IL1RAPL2: variants seen among roughly 807,000 people sequenced by gnomAD.
The protein encoded by IL1RAPL2 is interleukin 1 receptor accessory protein like 2, also known as X-linked interleukin-1 receptor accessory protein-like 2.
A neutral mutation model predicts 44.1 loss-of-function variants in IL1RAPL2; 3 were observed. That is an observed-to-expected ratio of 0.07 (90% CI 0.03 to 0.18). The LOEUF (loss-of-function observed/expected upper bound fraction) is 0.18. Among genes scored for constraint, IL1RAPL2 ranks in the 10% least tolerant of loss-of-function variants. The pLI is 1.00. For synonymous variants in IL1RAPL2, 181 were observed against 178.8 expected (o/e 1.01, Z -0.10); for missense variants, 391 against 496.4 (o/e 0.79, Z 2.02).
chrX:105,570,062 C>A (rs1569454955), intron 6 of IL1RAPL2, among the ~76,000 whole-genome samples: 4 of 110,856 alleles, frequency 3.6e-5, no homozygotes. Flanking sequence ...TTTTGGTGTA[C>A]CCTTCACCTG....
At chrX:105,534,018 T>C (rs533137857) in intron 6 of IL1RAPL2, among the ~76,000 whole-genome samples, 1 of 112,492 alleles carries the variant, frequency 8.9e-6, no homozygotes, top group South Asian at 3.6e-4. Context: ...GTAAAAATTA[T>C]TCAGTGATCA....
chrX:104,949,107 G>T (rs1004120614), intron 2 of IL1RAPL2, among the ~76,000 whole-genome samples: 17 of 110,966 alleles, frequency 1.5e-4, no homozygotes, highest in African/African-American at 5.6e-4. Context: ...CCTGTTATTG[G>T]TCTATTCAGA....
At chrX:105,104,045 C>A (rs1320436719) in intron 2 of IL1RAPL2, among the ~76,000 whole-genome samples, 2 of 111,587 alleles carry the variant, frequency 1.8e-5, no homozygotes, top group Non-Finnish European at 3.8e-5. Flanking sequence ...ATAATGAGAA[C>A]CTGGCAAACA....
chrX:105,571,968 C>G (rs559901113), intron 6 of IL1RAPL2, among the ~76,000 whole-genome samples: 1 of 111,170 alleles, frequency 9.0e-6, no homozygotes, highest in Non-Finnish European at 1.9e-5. Flanking sequence ...AAAAAAAAAG[C>G]CTTCCTTAAT....
At chrX:105,150,410 A>C (rs2033217053) in intron 2 of IL1RAPL2, among the ~76,000 whole-genome samples, 1 of 112,006 alleles carries the variant, frequency 8.9e-6, no homozygotes, top group Non-Finnish European at 1.9e-5. Context: ...ATTTCACTGG[A>C]GCTAGAAATG....
intron 5 of IL1RAPL2, among the ~76,000 whole-genome samples, chrX:105,390,087 T>C (rs57068877): frequency 0.19 from 21,657 of 111,563 alleles, 5,065 homozygotes; most frequent in African/African-American, 0.67. Flanking sequence ...ACAAGGTTTT[T>C]CATTATGTTT....
rs773027005 is a variant in IL1RAPL2, at chrX:105,075,437, G to A, written c.83-120038G>A. ...AGCTTTTTGATGTGCTGCTGGATTC[G>A]GTTTGCCAGTATTTTATTGAGGATT... is the stretch of plus-strand genomic sequence containing the variant. On this transcript the variant is annotated intron_variant, in intron 2 of 10. Transcript: ENST00000372582. 1.9e-4 allele frequency among the ~76,000 whole-genome samples: 21 copies of A among 111,110 alleles called. No individual in the cohort carries two copies. The South Asian group carries it at 5.0e-3, about 26-fold the overall frequency.
intron 1 of IL1RAPL2, among the ~76,000 whole-genome samples, chrX:104,598,354 G>T (rs1402847286): frequency 8.9e-6 from 1 of 111,866 alleles, no homozygotes; most frequent in Non-Finnish European, 1.9e-5. Context: ...CAGCTCCATG[G>T]CATGAAAACT....
At chrX:105,382,563 G>T (rs1412857323) in intron 5 of IL1RAPL2, among the ~76,000 whole-genome samples, 1 of 102,742 alleles carries the variant, frequency 9.7e-6, no homozygotes, top group Non-Finnish European at 1.9e-5. Flanking sequence ...TCAGTGTGGC[G>T]ATTCCTCAGG....
At chrX:105,235,095 C>T (rs2034108912) in intron 4 of IL1RAPL2, among the ~76,000 whole-genome samples, 1 of 111,593 alleles carries the variant, frequency 9.0e-6, no homozygotes, top group Non-Finnish European at 1.9e-5. Flanking sequence ...GCTTCCCTCT[C>T]CTGCCACCCT....
At chrX:105,285,672 G>T (rs910715757) in intron 5 of IL1RAPL2, among the ~76,000 whole-genome samples, 1 of 111,752 alleles carries the variant, frequency 8.9e-6, no homozygotes, top group African/African-American at 3.2e-5. Context: ...GGTGCTTTCT[G>T]CCACTTTCTA....
intron 2 of IL1RAPL2, among the ~76,000 whole-genome samples, chrX:105,085,053 C>A: frequency 8.9e-6 from 1 of 112,174 alleles, no homozygotes; most frequent in Middle Eastern, 4.6e-3. Flanking sequence ...TGTAGGTTTC[C>A]TGAGGCCTCC....
intron 6 of IL1RAPL2, among the ~76,000 whole-genome samples, chrX:105,570,354 G>A (rs898045694): frequency 2.7e-5 from 3 of 112,039 alleles, no homozygotes; most frequent in African/African-American, 9.7e-5. Context: ...TTGGTTAATA[G>A]GCACTTAGGT....
intron 1 of IL1RAPL2, among the ~76,000 whole-genome samples, chrX:104,609,056 A>T (rs944946579): frequency 1.4e-4 from 16 of 111,009 alleles, no homozygotes; most frequent in Non-Finnish European, 2.8e-4. Context: ...GGTGGTGATG[A>T]AATCTCTCAG....
At chrX:105,060,438 C>G (rs1355438218) in intron 2 of IL1RAPL2, among the ~76,000 whole-genome samples, 1 of 111,542 alleles carries the variant, frequency 9.0e-6, no homozygotes. Flanking sequence ...ATCCTTGCAT[C>G]CTTTGGGTAA....
intron 6 of IL1RAPL2, among the ~76,000 whole-genome samples, chrX:105,510,271 A>G (rs1244672592): frequency 8.9e-6 from 1 of 111,809 alleles, no homozygotes; most frequent in Non-Finnish European, 1.9e-5. Context: ...GTATTTCAAC[A>G]TGGAATACTT....
At chrX:105,007,645 T>C (rs936379415) in intron 2 of IL1RAPL2, among the ~76,000 whole-genome samples, 1 of 111,829 alleles carries the variant, frequency 8.9e-6, no homozygotes, top group Non-Finnish European at 1.9e-5. Flanking sequence ...GTAAAAATGA[T>C]TCATGCTAAG....
At chrX:105,668,929 T>C (rs1297905778) in intron 6 of IL1RAPL2, among the ~76,000 whole-genome samples, 1 of 111,410 alleles carries the variant, frequency 9.0e-6, no homozygotes, top group African/African-American at 3.3e-5. Context: ...GTCATTAACA[T>C]AGACCTCAAA....
rs782566662 is a variant in IL1RAPL2 at position 105,223,045 on chromosome X, G to A, written c.357-10773G>A. ...CACGCCTGTAGTCCCAGCTACTTGG[G>A]AGGCTGAGGCACAAGAATAGCTTGT... On this transcript the variant is annotated intron_variant, in intron 3 of 10. Coordinates refer to ENST00000372582, the MANE Select transcript of IL1RAPL2 (RefSeq NM_017416.2). Among the ~76,000 whole-genome samples the A allele has an allele frequency of 6.4e-5, 7 of 110,181 alleles. No homozygotes were observed. In the East Asian group the frequency reaches 2.0e-3, roughly 32 times the overall value.
Sources: allele counts gnomAD v4.1 joint callset (sites outside exome capture counted in the v4.1 genomes callset), GRCh38; gene constraint gnomAD v4.1.1; transcripts MANE v1.5; gene names NCBI Gene and HGNC (gene_info 2026-07-23, HGNC 2026-07-21).